The following SMARCA2 variants were observed in gnomAD, a reference collection of about 807,000 sequenced individuals.
SMARCA2 encodes SWI/SNF-related matrix-associated actin-dependent regulator of chromatin subfamily A member 2.
A neutral mutation model predicts 199.8 loss-of-function variants in SMARCA2; 61 were observed. That is an observed-to-expected ratio of 0.31 (90% CI 0.25 to 0.38). The LOEUF (loss-of-function observed/expected upper bound fraction) is 0.38, where lower values mean the gene tolerates loss of function less well. SMARCA2 is among the 10% of genes least tolerant of loss of function. The pLI is 1.00. For missense variants in SMARCA2, 1,344 were observed against 2,012.2 expected, an observed-to-expected ratio of 0.67 and a Z score of 6.35; for synonymous variants, 935 against 732.0, an observed-to-expected ratio of 1.28 and a Z score of -4.48.
At chr9:2,160,154 G>C in intron 27 of SMARCA2, 1 of 511,838 alleles carries the variant, frequency 2.0e-6, no homozygotes, top group Non-Finnish European at 3.4e-6. Flanking sequence ...AGTGTGTTTA[G>C]CTGTATAGTG....
Position 2,056,692 on chromosome 9 carries a change from C to G in SMARCA2, c.1194C>G (p.Ala398=). The G allele has an allele frequency of 6.2e-7, 1 of 1,613,822 alleles. No homozygotes were observed. Among genetic ancestry groups the G allele is most frequent in the Non-Finnish European group, 8.5e-7 (1 of 1,179,870 alleles). Residue 398 remains alanine (A), a synonymous_variant, in exon 7 of 34, where the codon GCC becomes GCG. Coordinates refer to ENST00000349721, the MANE Select transcript of SMARCA2 (RefSeq NM_003070.5). The surrounding 1 kb of genome is among the most constrained non-coding windows in gnomAD (Gnocchi z 4.0). The stretch of plus-strand genomic sequence containing the variant: ...GACAGCTGAGACAGGAGGTGGTGGC[C>G]TGCATGCGCAGGGACACGACCCTGG... ...FQRQLRQEVV[A]CMRRDTTLET... is the part of the protein sequence containing the mutation.
At chr9:2,146,798 T>C (rs936674204) in intron 27 of SMARCA2, among the ~76,000 whole-genome samples, 3 of 152,176 alleles carry the variant, frequency 2.0e-5, no homozygotes, top group African/African-American at 4.8e-5. Flanking sequence ...TAAACTGTCA[T>C]GGCTCTGGTG....
At chr9:2,188,099 A>G (rs1442169493) in intron 32 of SMARCA2, among the ~76,000 whole-genome samples, 1 of 152,230 alleles carries the variant, frequency 6.6e-6, no homozygotes, top group East Asian at 1.9e-4. Flanking sequence ...ACATGTTAAT[A>G]CAGATGATTT....
intron 29 of SMARCA2, among the ~76,000 whole-genome samples, chr9:2,179,141 G>C (rs1293229450): frequency 6.6e-6 from 1 of 152,156 alleles, no homozygotes. Context: ...TGGAGACCTG[G>C]AATGGGTCAT....
chr9:2,054,833 GATATAAAT>G, intron 6 of SMARCA2, 110 bp downstream of exon 6: 1 of 1,114,376 alleles, frequency 9.0e-7, no homozygotes, highest in South Asian at 1.6e-5. Context: ...AAGATATAAA[GATATAAAT>G]ATAGTAAAAT....
At chr9:2,075,419 A>G (rs755354415) in intron 12 of SMARCA2, 1 of 152,234 alleles carries the variant, frequency 6.6e-6, no homozygotes, top group African/African-American at 2.4e-5. Flanking sequence ...CAGAATGGAC[A>G]CTTACTTAGT....
intron 27 of SMARCA2, chr9:2,158,969 G>A: frequency 2.5e-6 from 4 of 1,611,944 alleles, no homozygotes; most frequent in Non-Finnish European, 3.4e-6. Context: ...TTAGTTTGAG[G>A]GGAATAATGG....
chr9:2,060,019 A>T (rs1470496639), intron 8 of SMARCA2, among the ~76,000 whole-genome samples: 1 of 147,962 alleles, frequency 6.8e-6, no homozygotes, highest in Non-Finnish European at 1.5e-5. Context: ...GGAGGTGGGA[A>T]TTACTGTATC....
chr9:2,056,877 C>G lies in SMARCA2; in HGVS notation c.1347+32C>G. On this transcript the variant is annotated intron_variant, in intron 7 of 33. Transcript: ENST00000349721. The surrounding 1 kb of genome is among the most constrained non-coding windows in gnomAD (Gnocchi z 4.0). ...AGACCCTGGGCTTTGCTCACCCTCA[C>G]TTTGGCAGAGCTGTCCAATGAATTC... The G allele has an allele frequency of 3.1e-6, 5 of 1,598,722 alleles. No individual in the cohort carries two copies. Among genetic ancestry groups the G allele is most frequent in the Non-Finnish European group, 2.6e-6 (3 of 1,170,918 alleles).
chr9:2,183,997 C>G (rs976047612), intron 31 of SMARCA2, among the ~76,000 whole-genome samples: 2 of 152,132 alleles, frequency 1.3e-5, no homozygotes, highest in African/African-American at 4.8e-5. Context: ...ACTGGTTTCT[C>G]CCCCAGGCCA....
chr9:2,072,413 T>A (rs1224420308), intron 10 of SMARCA2, among the ~76,000 whole-genome samples: 1 of 152,210 alleles, frequency 6.6e-6, no homozygotes, highest in African/African-American at 2.4e-5. Context: ...AGTAATGAAC[T>A]TTAGCTTAAT....
rs369201693 is a variant in SMARCA2 at position 2,056,587 on chromosome 9, C to A, written c.1174-85C>A. 8.0e-7 allele frequency: 1 copy of A among 1,246,562 alleles called. No homozygotes were observed. 77.2% of individuals were successfully genotyped at this position (1,246,562 alleles called of 1,614,324 possible). ...TGGAGATTCCCCGCCCCACTCTATT[C>A]CATTAAATGCAACCGCGAGAAGGCC... On this transcript the variant is annotated intron_variant, in intron 6 of 33. Transcript: ENST00000349721. This position sits in a 1 kb window ranked among gnomAD's most constrained non-coding sequence, Gnocchi z 4.0.
At position 2,101,575 on chromosome 9, in the gene SMARCA2, C is replaced by G; in HGVS notation, c.3084C>G (p.Ser1028=). 1 of 1,522,094 alleles carries G rather than the reference C, an allele frequency of 6.6e-7. No individual in the cohort carries two copies. The highest frequency in any genetic ancestry group is 9.0e-7 in the Non-Finnish European group (1 of 1,115,048). The allele number at this position is 1,522,094 out of a possible 1,614,324, so 94.3% of individuals were successfully genotyped here. A position where few individuals can be genotyped will look rare whatever the true frequency, so the allele number is the denominator to read the frequency against. Residue 1028 remains serine, a synonymous_variant, in exon 22 of 34, where the codon TCC becomes TCG. Coordinates refer to ENST00000349721, the MANE Select transcript of SMARCA2 (RefSeq NM_003070.5). Reference sequence around the variant, plus strand: ...TCTATCTCTCTCTTTTAAAGGAATCCTTTGCTGAACACCTAGGCTATTCAA... The same window carrying G: ...TCTATCTCTCTCTTTTAAAGGAATCGTTTGCTGAACACCTAGGCTATTCAA... ...HPYMFQHIEE[S]FAEHLGYSNG...
chr9:2,159,919 C>CT, intron 27 of SMARCA2: 1 of 1,607,436 alleles, frequency 6.2e-7, no homozygotes, highest in Non-Finnish European at 8.5e-7. Context: ...GGTAAATATC[C>CT]TTTTTCGTTG....
At chr9:2,035,554 A>G (rs565236279) in intron 3 of SMARCA2, among the ~76,000 whole-genome samples, 1 of 152,148 alleles carries the variant, frequency 6.6e-6, no homozygotes, top group Non-Finnish European at 1.5e-5. Context: ...TCCCCTCTTC[A>G]ACTTAAGAAT....
In SMARCA2 at chr9:2,033,088, G is replaced by C; in HGVS notation, c.355+7G>C. ...ATGGATCAACACAGCCAAGGTTTGTGTCCGCTGCACACCTGATACTGGTTC... is the reference window on the plus strand; with the variant it reads ...ATGGATCAACACAGCCAAGGTTTGTCTCCGCTGCACACCTGATACTGGTTC... On this transcript the variant is annotated splice_region_variant and intron_variant, in intron 3 of 33. Coordinates refer to ENST00000349721, the MANE Select transcript of SMARCA2 (RefSeq NM_003070.5). 1 of 1,613,736 alleles carries C rather than the reference G, an allele frequency of 6.2e-7. No individual in the cohort carries two copies. Among genetic ancestry groups the C allele is most frequent in the Non-Finnish European group, 8.5e-7 (1 of 1,179,802 alleles).
intron 24 of SMARCA2, among the ~76,000 whole-genome samples, chr9:2,113,203 G>C (rs1823078148): frequency 6.6e-6 from 1 of 152,180 alleles, no homozygotes; most frequent in African/African-American, 2.4e-5. Flanking sequence ...AGGCCTTAAT[G>C]TTGCTGATTG....
At chr9:2,187,228 A>G (rs914822361) in intron 32 of SMARCA2, among the ~76,000 whole-genome samples, 4 of 151,864 alleles carry the variant, frequency 2.6e-5, no homozygotes, top group Non-Finnish European at 5.9e-5. Context: ...TTTTTAAAAT[A>G]TTTACCTTTT....
intron 5 of SMARCA2, among the ~76,000 whole-genome samples, chr9:2,054,109 T>G (rs1432072779): frequency 8.5e-5 from 13 of 152,250 alleles, no homozygotes. Context: ...AAAACTGTTC[T>G]TGCTCACTGC....
Sources: allele counts gnomAD v4.1 joint callset (sites outside exome capture counted in the v4.1 genomes callset), GRCh38; gene constraint gnomAD v4.1.1; non-coding constraint Gnocchi (gnomAD v3.1); transcripts MANE v1.5; gene names NCBI Gene and HGNC (gene_info 2026-07-23, HGNC 2026-07-21).